DST: variants seen among roughly 807,000 people sequenced by gnomAD.
The protein encoded by DST is dystonin.
DST carries 253 observed loss-of-function variants against 875.2 expected under a neutral mutation model. The observed-to-expected ratio is 0.29, with a 90% CI of 0.26 to 0.32. The LOEUF is 0.32. DST is among the 10% of genes least tolerant of loss of function. The probability of loss-of-function intolerance (pLI) is 1.00; values close to 1 mark genes in which losing one functional copy is unlikely to be tolerated. For missense variants in DST, 8,287 were observed against 9,111.6 expected (o/e 0.91, Z 3.68); for synonymous variants, 3,124 against 3,197.1 (o/e 0.98, Z 0.77).
At chr6:56,600,257 T>C in intron 44 of DST, 36 bp from the exon 45 acceptor site, 1 of 1,592,344 alleles carries the variant, frequency 6.3e-7, no homozygotes, top group Non-Finnish European at 8.6e-7. Flanking sequence ...CTTAAATGTA[T>C]GGTGGTCACA....
chr6:56,591,793 C>A (rs1461914888), intron 49 of DST, among the ~76,000 whole-genome samples: 4 of 151,600 alleles, frequency 2.6e-5, no homozygotes, highest in Non-Finnish European at 5.9e-5. Flanking sequence ...GCCAACATGG[C>A]GAAACCCCGT....
intron 33 of DST, 139 bp downstream of exon 33, chr6:56,627,860 G>A: frequency 1.2e-6 from 1 of 809,022 alleles, no homozygotes; most frequent in East Asian, 2.7e-5. Context: ...TGGGTTGCAA[G>A]ATTTTAATAT....
intron 2 of DST, among the ~76,000 whole-genome samples, chr6:56,924,607 TTC>T (rs1476626534): frequency 6.6e-6 from 1 of 152,162 alleles, no homozygotes; most frequent in Non-Finnish European, 1.5e-5. Flanking sequence ...CATCTTCGAT[TTC>T]TACTAATATT....
At chr6:56,920,701 C>A (rs929956988) in intron 2 of DST, among the ~76,000 whole-genome samples, 1 of 149,056 alleles carries the variant, frequency 6.7e-6, no homozygotes, top group Non-Finnish European at 1.5e-5. Context: ...CCATCAACAG[C>A]GGTTTTTCTT....
chr6:56,554,073 C>CTTT (rs555704557), intron 60 of DST, among the ~76,000 whole-genome samples: 1,191 of 80,812 alleles, frequency 0.015, 224 homozygotes, highest in Non-Finnish European at 0.024. Flanking sequence ...GCGTCTATGA[C>CTTT]TTTTTTTTTT....
In DST at chr6:56,646,204, A is replaced by T. The variant is rs756830870; in HGVS notation, c.1555-22T>A. 6.1e-6 allele frequency: 8 copies of T among 1,309,826 alleles called. 1 individual carries two copies. In the East Asian group the frequency reaches 2.0e-4, roughly 33 times the overall value. 81.1% of individuals were successfully genotyped at this position (1,309,826 alleles called of 1,614,324 possible). A position where few individuals can be genotyped will look rare whatever the true frequency, so the allele number is the denominator to read the frequency against. On this transcript the variant is annotated intron_variant, in intron 13 of 103. Coordinates refer to ENST00000680361, the MANE Select transcript of DST (RefSeq NM_001374736.1). ...GTGCCTAAAATAAAAAGGACAAGAA[A>T]TTAAGGACCAAACTTAAAAGATCTG...
At chr6:56,550,453 C>T (rs2097303865) in intron 61 of DST, among the ~76,000 whole-genome samples, 1 of 152,292 alleles carries the variant, frequency 6.6e-6, no homozygotes, top group East Asian at 1.9e-4. Flanking sequence ...GGTAATGTTA[C>T]TTATTTGGGA....
At chr6:56,769,593 G>A (rs1286097194) in intron 4 of DST, among the ~76,000 whole-genome samples, 2 of 152,132 alleles carry the variant, frequency 1.3e-5, no homozygotes, top group African/African-American at 4.8e-5. Context: ...GCCAAAGCGG[G>A]TGGATTGAGT....
At chr6:56,839,911 T>C (rs981613559) in intron 4 of DST, among the ~76,000 whole-genome samples, 1 of 152,106 alleles carries the variant, frequency 6.6e-6, no homozygotes, top group Non-Finnish European at 1.5e-5. Flanking sequence ...GTTAGTGATA[T>C]TACAGGTAAG....
chr6:56,875,398 G>C (rs530238386), intron 3 of DST, among the ~76,000 whole-genome samples: 1 of 152,198 alleles, frequency 6.6e-6, no homozygotes, highest in Admixed American at 6.5e-5. Flanking sequence ...TGCTTGAAAG[G>C]GCTTTTATTA....
At chr6:56,501,863 A>T (rs986051186) in intron 78 of DST, among the ~76,000 whole-genome samples, 170 bp from the exon 79 acceptor site, 1 of 152,122 alleles carries the variant, frequency 6.6e-6, no homozygotes, top group African/African-American at 2.4e-5. Flanking sequence ...AGGCAAAAAA[A>T]ATAAGGAAAA....
chr6:56,473,922 A>C lies in DST; in HGVS notation c.21945T>G (p.Pro7315=). 1 of 1,594,516 alleles carries C rather than the reference A, an allele frequency of 6.3e-7. No individual in the cohort carries two copies. Among genetic ancestry groups the C allele is most frequent in the Non-Finnish European group, 8.6e-7 (1 of 1,168,682 alleles). Residue 7315 remains proline, a synonymous_variant, in exon 93 of 104, where the codon CCT becomes CCG. Coordinates refer to ENST00000680361, the MANE Select transcript of DST (RefSeq NM_001374736.1). ...CTGGAATATGGGATTGTAATGAGGAAGGATCAGCAGCTCTCCTCTTATAGG... is the reference window on the plus strand; with the variant it reads ...CTGGAATATGGGATTGTAATGAGGACGGATCAGCAGCTCTCCTCTTATAGG... ...TKTYKRRAAD[P]SSLQSHIPVL...
At chr6:56,721,112 C>G (rs2099414224) in intron 5 of DST, among the ~76,000 whole-genome samples, 1 of 151,650 alleles carries the variant, frequency 6.6e-6, no homozygotes, top group Admixed American at 6.6e-5. Flanking sequence ...GGGCGCCCCC[C>G]CACCTCCCAG....
At chr6:56,780,192 AC>A (rs1355705928) in intron 4 of DST, among the ~76,000 whole-genome samples, 19 of 151,834 alleles carry the variant, frequency 1.3e-4, no homozygotes, top group African/African-American at 4.4e-4. Flanking sequence ...ACATACATGT[AC>A]ATGTGTCTTT....
intron 36 of DST, among the ~76,000 whole-genome samples, chr6:56,622,487 A>C (rs1394333583): frequency 6.8e-6 from 1 of 147,920 alleles, no homozygotes; most frequent in African/African-American, 2.5e-5. Context: ...GAGGCAGTGA[A>C]TTACTTGAAC....
intron 4 of DST, among the ~76,000 whole-genome samples, chr6:56,838,425 T>C (rs1194061284): frequency 6.6e-6 from 1 of 152,200 alleles, no homozygotes; most frequent in African/African-American, 2.4e-5. Flanking sequence ...CAAGCACTTC[T>C]TTGTCAGACT....
chr6:56,649,865 C>G (rs983483335), intron 12 of DST, among the ~76,000 whole-genome samples: 3 of 152,030 alleles, frequency 2.0e-5, no homozygotes, highest in African/African-American at 7.2e-5. Flanking sequence ...GGAAGAAGAA[C>G]AAAATGGAGA....
At chr6:56,717,099 C>T (rs917193263) in intron 5 of DST, among the ~76,000 whole-genome samples, 38 of 152,152 alleles carry the variant, frequency 2.5e-4, no homozygotes, top group Non-Finnish European at 4.7e-4. Flanking sequence ...AGAAGAATGG[C>T]GTGAACCCGG....
chr6:56,784,244 TG>T (rs943065990), intron 4 of DST, among the ~76,000 whole-genome samples: 4 of 152,224 alleles, frequency 2.6e-5, no homozygotes, highest in African/African-American at 9.6e-5. Flanking sequence ...TGGCGTTCTC[TG>T]TATTTCCTGA....
Sources: gnomAD v4.1 joint callset for allele counts (sites outside exome capture counted in the v4.1 genomes callset) on GRCh38, gnomAD v4.1.1 for gene constraint, MANE v1.5 for transcripts, NCBI Gene and HGNC (gene_info 2026-07-23, HGNC 2026-07-21) for gene names.